The following WDR75 variants were observed in gnomAD, a reference collection of about 807,000 sequenced individuals.
WDR75 encodes WD repeat-containing protein 75.
In WDR75, 52 loss-of-function variants were observed where a neutral mutation model predicts 106.1. The observed-to-expected ratio is 0.49, with a 90% CI of 0.39 to 0.62. The LOEUF is 0.62. Among genes scored for constraint, WDR75 ranks in the 20% least tolerant of loss-of-function variants. WDR75 has a pLI of 0.00. For missense variants in WDR75, 905 were observed against 970.3 expected, an observed-to-expected ratio of 0.93 and a Z score of 0.89; for synonymous variants, 333 against 335.5, an observed-to-expected ratio of 0.99 and a Z score of 0.08.
chr2:189,441,623 G>A (rs1686366747), intron 1 of WDR75, 45 bp downstream of exon 1: 1 of 1,541,568 alleles, frequency 6.5e-7, no homozygotes, highest in Non-Finnish European at 8.8e-7. Flanking sequence ...CGGGGCGTGA[G>A]TTTCTCGAGG....
intron 15 of WDR75, 114 bp downstream of exon 15, chr2:189,468,683 A>C (rs780013414): frequency 9.7e-7 from 1 of 1,031,092 alleles, no homozygotes; most frequent in African/African-American, 1.6e-5. Context: ...TGGAATAGTC[A>C]GTTTTTTACG....
Position 189,441,475 on chromosome 2 carries a change from T to C in WDR75, c.-18T>C, listed in dbSNP as rs1220987288. 5.1e-6 allele frequency: 8 copies of C among 1,555,146 alleles called. No homozygotes were observed. In the Admixed American group the frequency reaches 9.7e-5, roughly 19 times the overall value. On this transcript the variant is annotated 5_prime_UTR_variant, in exon 1 of 21. Coordinates refer to ENST00000314761, the MANE Select transcript of WDR75 (RefSeq NM_032168.3). Reference sequence around the variant, plus strand: ...TCAGGGCGGGACCAGAGATTGGCCATTCCGCTACTGCGCAAAGATGGTGGA... The same window carrying C: ...TCAGGGCGGGACCAGAGATTGGCCACTCCGCTACTGCGCAAAGATGGTGGA...
intron 18 of WDR75, among the ~76,000 whole-genome samples, chr2:189,473,643 T>C (rs2105576389): frequency 6.6e-6 from 1 of 152,280 alleles, no homozygotes; most frequent in Non-Finnish European, 1.5e-5. Context: ...GCTTTCTAAG[T>C]AGACTTTCCA....
chr2:189,465,088 A>G lies in WDR75; in HGVS notation c.1123A>G (p.Ile375Val). ...TTTTTTTACTCATCAGTTAGATATT[A>G]TACAGCAAGAATATATTAATGATTA... Reference protein sequence around the residue: ...SDKQLYNLDIIQQEYINDYGL... With the variant: ...SDKQLYNLDIVQQEYINDYGL... Residue 375 changes from isoleucine (I) to valine (V), a missense_variant, in exon 12 of 21, where the codon ATA (isoleucine) becomes GTA (valine). Physicochemically the swap from Ile to Val is conservative, Grantham distance 29 (BLOSUM62 3). Coordinates refer to ENST00000314761, the MANE Select transcript of WDR75 (RefSeq NM_032168.3). 7 of 1,590,126 alleles carry G rather than the reference A, an allele frequency of 4.4e-6. No homozygotes were observed. The highest frequency in any genetic ancestry group is 6.0e-6 in the Non-Finnish European group (7 of 1,168,016).
In WDR75 at chr2:189,450,946, A is replaced by G. The variant is rs1434851211; in HGVS notation, c.260A>G (p.Tyr87Cys). The change falls in exon 3 of 21, where the codon TAT becomes TGT. Residue 87 changes from tyrosine (Y) to cysteine (C), a missense_variant. Transcript: ENST00000314761. ...GATGGCACAATTAAACTGTGGGACT[A>G]TATAGATGGCATCTTAATAAAGGTA... The part of the protein sequence containing the change: ...SLDGTIKLWD[Y>C]IDGILIKTFI... 8 of 1,610,026 alleles carry G rather than the reference A, an allele frequency of 5.0e-6. No homozygotes were observed. The highest frequency in any genetic ancestry group is 5.9e-6 in the Non-Finnish European group (7 of 1,178,986).
Position 189,458,868 on chromosome 2 carries a change from C to CT in WDR75, c.688dup (p.Trp230LeufsTer6). On this transcript the variant is annotated frameshift_variant, in exon 7 of 21. Transcript: ENST00000314761. LOFTEE classifies it high-confidence loss of function. ...TGGTCACATGGATGGCAAAATTCGT[C>CT]TTTGGTCAGTTTGCTCATGAAGAGC... The CT allele has an allele frequency of 6.2e-7, 1 of 1,601,198 alleles. No homozygotes were observed. Among genetic ancestry groups the CT allele is most frequent in the Non-Finnish European group, 8.5e-7 (1 of 1,174,754 alleles).
intron 6 of WDR75, 121 bp downstream of exon 6, chr2:189,457,502 CTG>C (rs1686765300): frequency 1.5e-6 from 1 of 648,440 alleles, no homozygotes; most frequent in Non-Finnish European, 2.7e-6. Flanking sequence ...GAGTGTAAGA[CTG>C]TGAAGTATGG....
intron 17 of WDR75, 67 bp from the exon 18 acceptor site, chr2:189,470,752 C>A: frequency 7.8e-7 from 1 of 1,278,430 alleles, no homozygotes; most frequent in Non-Finnish European, 1.1e-6. Context: ...TTTTAACACC[C>A]TGTAACACCT....
intron 2 of WDR75, chr2:189,449,601 G>A: frequency 9.6e-7 from 1 of 1,039,034 alleles, no homozygotes; most frequent in Non-Finnish European, 1.2e-6. Context: ...AGTAAAATTA[G>A]AGAAGGGCAG....
chr2:189,452,375 C>G (rs944344523), intron 4 of WDR75, among the ~76,000 whole-genome samples: 3 of 151,904 alleles, frequency 2.0e-5, no homozygotes, highest in African/African-American at 7.3e-5. Context: ...CTGGCTAACA[C>G]GGTGAAACCC....
At chr2:189,448,319 G>C in intron 1 of WDR75, 60 bp from the exon 2 acceptor site, 1 of 1,507,182 alleles carries the variant, frequency 6.6e-7, no homozygotes. Flanking sequence ...GTCTTTTTCA[G>C]CAGTGTGAAA....
chr2:189,444,167 G>A (rs1245544049), intron 1 of WDR75, among the ~76,000 whole-genome samples: 1 of 152,008 alleles, frequency 6.6e-6, no homozygotes, highest in African/African-American at 2.4e-5. Context: ...GGATTTTAAT[G>A]AACTCAGCAA....
Position 189,474,249 on chromosome 2 carries a change from C to G in WDR75, c.2113C>G (p.Gln705Glu). The G allele has an allele frequency of 1.9e-6, 3 of 1,613,950 alleles. No homozygotes were observed. The highest frequency in any genetic ancestry group is 2.5e-6 in the Non-Finnish European group (3 of 1,179,890). ...FYFILGKHRQ[Q>E]QDEKLNETLE... ...TTTCATATTGGGAAAACACAGGCAA[C>G]AGCAGGATGAAAAACTAAACGAAAC... The change falls in exon 19 of 21, where the codon CAG (glutamine) becomes GAG (glutamate). Residue 705 changes from glutamine to glutamate, a missense_variant. Gln to Glu is a conservative substitution (Grantham distance 29). Transcript: ENST00000314761.
chr2:189,466,041 G>A (rs893635563), intron 12 of WDR75, among the ~76,000 whole-genome samples: 2 of 152,136 alleles, frequency 1.3e-5, no homozygotes, highest in African/African-American at 4.8e-5. Context: ...CCCAGGTGGG[G>A]CGTTTCACGG....
intron 1 of WDR75, among the ~76,000 whole-genome samples, chr2:189,444,285 A>G (rs545500658): frequency 1.3e-5 from 2 of 152,334 alleles, no homozygotes; most frequent in South Asian, 4.1e-4. Context: ...CCAAAATCAT[A>G]AAAAGACAGA....
At chr2:189,448,284 G>C in intron 1 of WDR75, 95 bp from the exon 2 acceptor site, 1 of 1,365,996 alleles carries the variant, frequency 7.3e-7, no homozygotes, top group South Asian at 1.7e-5. Context: ...AGGAGTTCAA[G>C]ACCACTGAAA....
chr2:189,458,910 T>C (rs1350044105), intron 7 of WDR75, 38 bp downstream of exon 7: 2 of 1,577,162 alleles, frequency 1.3e-6, no homozygotes, highest in Admixed American at 3.7e-5. Context: ...ATCATTTATG[T>C]ACTATTTTAC....
chr2:189,459,852 GATAATTA>G (rs1434070970), intron 8 of WDR75, among the ~76,000 whole-genome samples: 2 of 152,188 alleles, frequency 1.3e-5, no homozygotes, highest in Middle Eastern at 3.2e-3. Flanking sequence ...ATTTGGAGTT[GATAATTA>G]ACTTGCCTAA....
rs1188214718 is a variant in WDR75 at position 189,442,442 on chromosome 2, C to CTTTTTTTTTT, written c.86+881_86+890dup. Among the ~76,000 whole-genome samples, 68 of 73,954 alleles carry CTTTTTTTTTT rather than the reference C, an allele frequency of 9.2e-4. 13 individuals are homozygous for CTTTTTTTTTT. Among genetic ancestry groups the CTTTTTTTTTT allele is most frequent in the Non-Finnish European group, 1.1e-3 (46 of 41,960 alleles). 48.5% of individuals were successfully genotyped at this position (73,954 alleles called of 152,430 possible). On this transcript the variant is annotated intron_variant, in intron 1 of 20. Coordinates refer to ENST00000314761, the MANE Select transcript of WDR75 (RefSeq NM_032168.3). ...GAAAGTTTGTAGCCTCCACAATATT[C>CTTTTTTTTTT]TTTTTTTTTTTTTTTTTTTTTTTTT...
Sources: allele counts gnomAD v4.1 joint callset (sites outside exome capture counted in the v4.1 genomes callset), GRCh38; gene constraint gnomAD v4.1.1; transcripts MANE v1.5; gene names NCBI Gene and HGNC (gene_info 2026-07-23, HGNC 2026-07-21).